Variants in STRN3 observed in about 807,000 individuals in gnomAD.
STRN3 encodes the protein striatin 3.
A neutral mutation model predicts 95.6 loss-of-function variants in STRN3; 29 were observed. The observed-to-expected ratio is 0.30, with a 90% CI of 0.23 to 0.41. The LOEUF is 0.41. Ranked by LOEUF, STRN3 falls within the 10% of genes least tolerant of loss-of-function variation. The pLI, the probability that STRN3 is intolerant of heterozygous loss-of-function variation, is 1.00. For missense variants in STRN3, 890 were observed against 972.1 expected, an observed-to-expected ratio of 0.92 and a Z score of 1.12; for synonymous variants, 331 against 357.6, an observed-to-expected ratio of 0.93 and a Z score of 0.84.
At chr14:31,018,134 T>TAA (rs11407925) in intron 1 of STRN3, among the ~76,000 whole-genome samples, 204 of 144,124 alleles carry the variant, frequency 1.4e-3, no homozygotes, top group Middle Eastern at 3.6e-3. Flanking sequence ...ACCATTTTGT[T>TAA]AAAAAAAAAA....
chr14:31,019,177 AC>A (rs1883385463), intron 1 of STRN3, among the ~76,000 whole-genome samples: 1 of 152,176 alleles, frequency 6.6e-6, no homozygotes, highest in South Asian at 2.1e-4. Flanking sequence ...GCGTGGTAGC[AC>A]GTGCCTATAG....
intron 5 of STRN3, among the ~76,000 whole-genome samples, chr14:30,941,322 T>A (rs1245270608): frequency 1.3e-5 from 2 of 152,206 alleles, no homozygotes; most frequent in African/African-American, 4.8e-5. Flanking sequence ...CAATTTTCAG[T>A]ACCATTAGGC....
Position 30,913,579 on chromosome 14 carries a change from C to T in STRN3, c.1319G>A (p.Gly440Asp), listed in dbSNP as rs1272852095. 1 of 1,613,864 alleles carries T rather than the reference C, an allele frequency of 6.2e-7. No individual in the cohort carries two copies. The highest frequency in any genetic ancestry group is 1.1e-5 in the South Asian group (1 of 91,046). Reference protein sequence around the residue: ...GSDDVLLSVLGLGDLADLTVT... With the variant: ...GSDDVLLSVLDLGDLADLTVT... ...CGTCAAGTCTGCAAGGTCTCCAAGG[C>T]CCAGTACACTTAACAAAACATCATC... Residue 440 changes from glycine to aspartate, a missense_variant, in exon 10 of 18, where the codon GGC becomes GAC. Transcript: ENST00000357479.
intron 1 of STRN3, among the ~76,000 whole-genome samples, chr14:31,006,246 G>A (rs1001805486): frequency 6.6e-6 from 1 of 151,896 alleles, no homozygotes; most frequent in Non-Finnish European, 1.5e-5. Flanking sequence ...TTATATAAAG[G>A]TAATACCACC....
At chr14:30,998,991 G>C (rs2139283665) in intron 1 of STRN3, among the ~76,000 whole-genome samples, 1 of 152,276 alleles carries the variant, frequency 6.6e-6, no homozygotes, top group African/African-American at 2.4e-5. Flanking sequence ...AGAAAAACAA[G>C]TAGGACCTAT....
intron 13 of STRN3, among the ~76,000 whole-genome samples, chr14:30,907,526 G>C (rs1387748845): frequency 6.6e-6 from 1 of 152,100 alleles, no homozygotes; most frequent in African/African-American, 2.4e-5. Flanking sequence ...GTGTCTTTCT[G>C]AACATTTTCT....
At chr14:30,950,678 A>G (rs1879594327) in intron 4 of STRN3, among the ~76,000 whole-genome samples, 185 bp downstream of exon 4, 1 of 152,238 alleles carries the variant, frequency 6.6e-6, no homozygotes, top group African/African-American at 2.4e-5. Flanking sequence ...TAAGAAGACA[A>G]CATCACCCTG....
chr14:30,924,221 A>AC (rs1896955069), intron 8 of STRN3, among the ~76,000 whole-genome samples: 1 of 45,554 alleles, frequency 2.2e-5, no homozygotes, highest in Non-Finnish European at 4.0e-5. Flanking sequence ...TCAAAAAAAA[A>AC]AAAACAAAAA....
Position 30,956,213 on chromosome 14 carries a change from T to C in STRN3, c.312A>G (p.Arg104=). 2 of 1,614,010 alleles carry C rather than the reference T, an allele frequency of 1.2e-6. No individual in the cohort carries two copies. The highest frequency in any genetic ancestry group is 8.5e-7 in the Non-Finnish European group (1 of 1,179,988). The stretch of plus-strand genomic sequence containing the variant: ...CCTTCTTCAGGTTCTCTTGACCTTT[T>C]CTTTCGCCTTGTAGAAATGCAATCC... ...QARIAFLQGE[R]KGQENLKKDL... The change falls in exon 2 of 18, where the codon AGA becomes AGG. Residue 104 remains arginine (R), a synonymous_variant. Transcript: ENST00000357479.
intron 1 of STRN3, among the ~76,000 whole-genome samples, chr14:31,016,557 A>T (rs745572320): frequency 4.0e-5 from 6 of 151,574 alleles, no homozygotes; most frequent in African/African-American, 4.8e-5. Flanking sequence ...ATATATATAT[A>T]TTTTGAGACA....
At chr14:31,014,411 G>A (rs549048171) in intron 1 of STRN3, among the ~76,000 whole-genome samples, 28 of 152,094 alleles carry the variant, frequency 1.8e-4, no homozygotes, top group African/African-American at 6.5e-4. Context: ...TAGTAAAGAC[G>A]GGGTTTCACC....
intron 8 of STRN3, among the ~76,000 whole-genome samples, chr14:30,919,717 C>T (rs1896833420): frequency 6.6e-6 from 1 of 152,008 alleles, no homozygotes; most frequent in Non-Finnish European, 1.5e-5. Context: ...CCTGATTTAT[C>T]CATGAGATAG....
chr14:30,917,092 G>A (rs1896759375), intron 9 of STRN3, among the ~76,000 whole-genome samples: 1 of 152,108 alleles, frequency 6.6e-6, no homozygotes, highest in South Asian at 2.1e-4. Context: ...GGAAGTTGGG[G>A]ACTGCCACTG....
chr14:30,955,819 T>C (rs1000393916), intron 2 of STRN3, 126 bp from the exon 3 acceptor site: 49 of 808,862 alleles, frequency 6.1e-5, no homozygotes, highest in East Asian at 3.9e-4. Context: ...GCAAAGAACA[T>C]TGAAGACTAT....
chr14:30,998,201 A>C (rs1429624016), intron 1 of STRN3, among the ~76,000 whole-genome samples: 1 of 152,228 alleles, frequency 6.6e-6, no homozygotes, highest in Non-Finnish European at 1.5e-5. Context: ...TAGCAAAGCC[A>C]TCTTTATTTG....
chr14:30,924,423 G>A (rs1213933671), intron 8 of STRN3, among the ~76,000 whole-genome samples: 1 of 149,954 alleles, frequency 6.7e-6, no homozygotes, highest in Non-Finnish European at 1.5e-5. Flanking sequence ...CAAGTAGCTG[G>A]GACTACAGGC....
At chr14:31,001,441 C>A (rs188966898) in intron 1 of STRN3, among the ~76,000 whole-genome samples, 1 of 151,724 alleles carries the variant, frequency 6.6e-6, no homozygotes, top group Non-Finnish European at 1.5e-5. Flanking sequence ...GAGGTTAAAG[C>A]GGAAGAATCA....
At chr14:30,981,307 C>A (rs78218387) in intron 1 of STRN3, among the ~76,000 whole-genome samples, 1 of 151,892 alleles carries the variant, frequency 6.6e-6, no homozygotes, top group Non-Finnish European at 1.5e-5. Context: ...GAACAAGACC[C>A]CATCTCTCAA....
chr14:30,958,350 G>A (rs1341780145), intron 1 of STRN3, among the ~76,000 whole-genome samples: 1 of 152,084 alleles, frequency 6.6e-6, no homozygotes, highest in Non-Finnish European at 1.5e-5. Flanking sequence ...GCAGCTACAT[G>A]ACACTTATAA....
Sources: gnomAD v4.1 joint callset for allele counts (sites outside exome capture counted in the v4.1 genomes callset) on GRCh38, gnomAD v4.1.1 for gene constraint, MANE v1.5 for transcripts, NCBI Gene and HGNC (gene_info 2026-07-23, HGNC 2026-07-21) for gene names.